The following RASA3 variants were observed in gnomAD, a reference collection of about 807,000 sequenced individuals.
RASA3 encodes the protein RAS p21 protein activator 3.
Under a neutral mutation model 110.0 loss-of-function variants are expected in RASA3, and 73 were observed. The ratio of observed to expected loss-of-function variants is 0.66; its 90% CI spans 0.55 to 0.81. RASA3 has a LOEUF of 0.81. RASA3 is among the 30% of genes least tolerant of loss of function. RASA3 has a pLI of 0.00. For synonymous variants in RASA3, 500 were observed against 451.4 expected (o/e 1.11, Z -1.37); for missense variants, 976 against 1,113.2 (o/e 0.88, Z 1.75).
chr13:114,121,379 G>T (rs1243524832), intron 1 of RASA3, among the ~76,000 whole-genome samples: 2 of 152,180 alleles, frequency 1.3e-5, no homozygotes, highest in Admixed American at 6.5e-5. Flanking sequence ...GTTTTAAACT[G>T]CATGCAGCCT....
Position 114,014,490 on chromosome 13 carries a change from C to T in RASA3, c.1405+719G>A, listed in dbSNP as rs1053322579. 6.6e-6 allele frequency among the ~76,000 whole-genome samples: 1 copy of T among 152,180 alleles called. No individual in the cohort carries two copies. The highest frequency in any genetic ancestry group is 2.4e-5 in the African/African-American group (1 of 41,460). ...CGGGGTGTCTGCAGCTGTCCCGAGG[C>T]CACAGGACACGCAAGGAAGAGAGGA... On this transcript the variant is annotated intron_variant, in intron 14 of 23. Transcript: ENST00000334062. This position sits in a 1 kb window ranked among gnomAD's most constrained non-coding sequence, Gnocchi z 4.5.
chr13:114,016,559 C>T (rs958208698), intron 12 of RASA3, among the ~76,000 whole-genome samples: 3 of 152,186 alleles, frequency 2.0e-5, no homozygotes, highest in Admixed American at 1.3e-4. Flanking sequence ...ACACTAGGCA[C>T]GGGGCCCAGT....
At chr13:114,068,938 C>G (rs1383603624) in intron 2 of RASA3, among the ~76,000 whole-genome samples, 1 of 152,144 alleles carries the variant, frequency 6.6e-6, no homozygotes, top group Non-Finnish European at 1.5e-5. Flanking sequence ...CTTCAACCTC[C>G]ACCTTGAAAA....
At chr13:114,009,605 G>C (rs2053588724) in intron 16 of RASA3, 141 bp from the exon 17 acceptor site, 2 of 640,504 alleles carry the variant, frequency 3.1e-6, no homozygotes, top group Non-Finnish European at 5.4e-6. Flanking sequence ...GGGCAAGTGA[G>C]AGCCCGCAGG....
intron 17 of RASA3, 119 bp downstream of exon 17, chr13:114,009,268 T>C: frequency 2.4e-6 from 2 of 835,772 alleles, no homozygotes; most frequent in Non-Finnish European, 4.0e-6. Flanking sequence ...CGAACGCCTT[T>C]ATTGTTTAAA....
At chr13:114,062,452 C>G (rs2079371635) in intron 2 of RASA3, among the ~76,000 whole-genome samples, 1 of 152,202 alleles carries the variant, frequency 6.6e-6, no homozygotes, top group African/African-American at 2.4e-5. Context: ...CCACAGCCGC[C>G]ACGGAAAACA....
chr13:114,124,402 C>T (rs1053998529), intron 1 of RASA3, among the ~76,000 whole-genome samples: 1 of 152,246 alleles, frequency 6.6e-6, no homozygotes, highest in African/African-American at 2.4e-5. Context: ...CACTCTGATG[C>T]CGTTTGACCA....
chr13:114,027,154 G>C (rs1048758458), intron 7 of RASA3, among the ~76,000 whole-genome samples: 1 of 152,202 alleles, frequency 6.6e-6, no homozygotes, highest in Non-Finnish European at 1.5e-5. Context: ...CTGTGGCCAC[G>C]GGTCCAATCC....
chr13:114,104,831 G>C (rs1276471212), intron 1 of RASA3, among the ~76,000 whole-genome samples: 3 of 151,382 alleles, frequency 2.0e-5, no homozygotes, highest in African/African-American at 7.3e-5. Flanking sequence ...GCCCACACAT[G>C]CTCACCCCTC....
chr13:113,981,646 T>C (rs772688997), intron 23 of RASA3, 29 bp downstream of exon 23: 15 of 1,601,648 alleles, frequency 9.4e-6, no homozygotes, highest in African/African-American at 4.0e-5. Flanking sequence ...ACACTGGCCG[T>C]CCAGGGCAGG....
At position 114,132,606 on chromosome 13, in the gene RASA3, C is replaced by T; in HGVS notation, c.-117G>A. ...CCGAGCGCGGCCGAGGGTCCGCCCG[C>T]CTGCAAGACCGCCAGTTGGCCGAGG... On this transcript the variant is annotated 5_prime_UTR_variant, in exon 1 of 24. Coordinates refer to ENST00000334062, the MANE Select transcript of RASA3 (RefSeq NM_007368.4). 1 of 815,878 alleles carries T rather than the reference C, an allele frequency of 1.2e-6. No homozygotes were observed. The highest frequency in any genetic ancestry group is 1.6e-6 in the Non-Finnish European group (1 of 626,994). The allele number at this position is 815,878 out of a possible 1,614,324, so 50.5% of individuals were successfully genotyped here.
chr13:113,984,687 A>C (rs1594275362), intron 22 of RASA3, among the ~76,000 whole-genome samples: 2 of 91,036 alleles, frequency 2.2e-5, no homozygotes, highest in African/African-American at 3.6e-5. Context: ...TCACTCATCC[A>C]TCTGTCTATC....
At position 114,056,739 on chromosome 13, in the gene RASA3, A is replaced by G. The variant is rs1010381166; in HGVS notation, c.174-4584T>C. 1.1e-6 allele frequency: 1 copy of G among 893,404 alleles called. No individual in the cohort carries two copies. Among genetic ancestry groups the G allele is most frequent in the Non-Finnish European group, 1.3e-6 (1 of 745,804 alleles). 55.3% of individuals were successfully genotyped at this position (893,404 alleles called of 1,614,324 possible). ...ATAAAAAGAGATAAAAATAGCAGAA[A>G]GAGGAAGCTACAAGAAAACATACGA... On this transcript the variant is annotated intron_variant, in intron 2 of 23. Coordinates refer to ENST00000334062, the MANE Select transcript of RASA3 (RefSeq NM_007368.4). The surrounding 1 kb of genome is among the most constrained non-coding windows in gnomAD (Gnocchi z 5.7).
At chr13:114,045,568 G>GA (rs1203482479) in intron 3 of RASA3, among the ~76,000 whole-genome samples, 3 of 151,820 alleles carry the variant, frequency 2.0e-5, no homozygotes, top group Non-Finnish European at 2.9e-5. Flanking sequence ...GGGCCACGAG[G>GA]AAAAAACAAA....
Position 114,014,324 on chromosome 13 carries a change from T to C in RASA3, c.1405+885A>G. 6.6e-6 allele frequency among the ~76,000 whole-genome samples: 1 copy of C among 152,186 alleles called. No individual in the cohort carries two copies. Among genetic ancestry groups the C allele is most frequent in the Non-Finnish European group, 1.5e-5 (1 of 68,030 alleles). ...AGTGGGTCTGGGGCTGGGATGTGCT[T>C]GGGAACTGCCTCCCCCAGAACCCTG... On this transcript the variant is annotated intron_variant, in intron 14 of 23. Coordinates refer to ENST00000334062, the MANE Select transcript of RASA3 (RefSeq NM_007368.4). The surrounding 1 kb of genome is among the most constrained non-coding windows in gnomAD (Gnocchi z 4.5).
intron 1 of RASA3, among the ~76,000 whole-genome samples, chr13:114,110,743 C>T (rs1331883495): frequency 6.6e-6 from 1 of 152,260 alleles, no homozygotes; most frequent in Admixed American, 6.5e-5. Flanking sequence ...CCCGCTCAGC[C>T]TCCCGCGTCC....
chr13:114,037,938 G>A (rs1319033739), intron 4 of RASA3, among the ~76,000 whole-genome samples: 3 of 151,542 alleles, frequency 2.0e-5, no homozygotes, highest in Admixed American at 6.6e-5. Context: ...AAGGGAGCAC[G>A]GCCTTCCGTT....
chr13:114,131,536 C>T lies in RASA3; in HGVS notation c.55+899G>A, dbSNP rs570118295. ...CCAGACACAGCCTCCTCTCCGGAAACGCCTCCGGGAGCCCACTTCAGAAGC... is the reference window on the plus strand; with the variant it reads ...CCAGACACAGCCTCCTCTCCGGAAATGCCTCCGGGAGCCCACTTCAGAAGC... On this transcript the variant is annotated intron_variant, in intron 1 of 23. Coordinates refer to ENST00000334062, the MANE Select transcript of RASA3 (RefSeq NM_007368.4). Among the ~76,000 whole-genome samples, 3 of 152,328 alleles carry T rather than the reference C, an allele frequency of 2.0e-5. No individual in the cohort carries two copies. In the South Asian group the frequency reaches 6.2e-4, roughly 32 times the overall value.
At chr13:114,009,927 C>T (rs910162785) in intron 16 of RASA3, among the ~76,000 whole-genome samples, 1 of 152,192 alleles carries the variant, frequency 6.6e-6, no homozygotes, top group Non-Finnish European at 1.5e-5. Flanking sequence ...TGGAGGCACC[C>T]AGGGATTCGG....
Sources: allele counts gnomAD v4.1 joint callset (sites outside exome capture counted in the v4.1 genomes callset), GRCh38; gene constraint gnomAD v4.1.1; non-coding constraint Gnocchi (gnomAD v3.1); transcripts MANE v1.5; gene names NCBI Gene and HGNC (gene_info 2026-07-23, HGNC 2026-07-21).